The following CNTNAP5 variants were observed in gnomAD, a reference collection of about 807,000 sequenced individuals.
The protein encoded by CNTNAP5 is contactin-associated protein-like 5.
A neutral mutation model predicts 150.2 loss-of-function variants in CNTNAP5; 72 were observed. That is an observed-to-expected ratio of 0.48 (90% CI 0.40 to 0.58). CNTNAP5 has a LOEUF of 0.58. Ranked by LOEUF, CNTNAP5 falls within the 20% of genes least tolerant of loss-of-function variation. The pLI, the probability that CNTNAP5 is intolerant of heterozygous loss-of-function variation, is 0.00. For synonymous variants in CNTNAP5, 672 were observed against 619.8 expected, an observed-to-expected ratio of 1.08 and a Z score of -1.25; for missense variants, 1,636 against 1,626.2, an observed-to-expected ratio of 1.01 and a Z score of -0.10.
At position 124,231,018 on chromosome 2, in the gene CNTNAP5, C is replaced by T. The variant is rs116301198; in HGVS notation, c.187+9209C>T. On this transcript the variant is annotated intron_variant, in intron 2 of 23. Coordinates refer to ENST00000682447, the MANE Select transcript of CNTNAP5 (RefSeq NM_001367498.1). ...TTTCATCACACTCTCCCTTCCCAGT[C>T]GAATTGTGTATGGTGGGTAGAAGCT... Among the ~76,000 whole-genome samples the T allele has an allele frequency of 1.7e-3, 265 of 152,210 alleles. 3 individuals are homozygous for T. Among genetic ancestry groups the T allele is most frequent in the Admixed American group, 0.01 (154 of 15,284 alleles).
intron 3 of CNTNAP5, among the ~76,000 whole-genome samples, chr2:124,383,341 G>A (rs1338348831): frequency 6.6e-6 from 1 of 152,100 alleles, no homozygotes; most frequent in Non-Finnish European, 1.5e-5. Context: ...AAGTTTACAG[G>A]CCCAGCTATA....
At chr2:124,245,183 C>G (rs1686986673) in intron 3 of CNTNAP5, among the ~76,000 whole-genome samples, 1 of 152,122 alleles carries the variant, frequency 6.6e-6, no homozygotes, top group African/African-American at 2.4e-5. Flanking sequence ...CCAATAATAC[C>G]TATTTGTATT....
At chr2:124,512,063 C>T (rs887312956) in intron 8 of CNTNAP5, among the ~76,000 whole-genome samples, 10 of 151,666 alleles carry the variant, frequency 6.6e-5, no homozygotes, top group Admixed American at 5.3e-4. Flanking sequence ...GTTGTAGGTA[C>T]TGAAGCTATT....
intron 1 of CNTNAP5, among the ~76,000 whole-genome samples, chr2:124,195,075 C>T (rs1170922767): frequency 6.6e-6 from 1 of 151,604 alleles, no homozygotes; most frequent in Non-Finnish European, 1.5e-5. Context: ...GCATAAAAAA[C>T]ATCTAAAGAG....
Position 124,359,144 on chromosome 2 carries a change from G to A in CNTNAP5, c.382-58299G>A, listed in dbSNP as rs945474671. On this transcript the variant is annotated intron_variant, in intron 3 of 23. Coordinates refer to ENST00000682447, the MANE Select transcript of CNTNAP5 (RefSeq NM_001367498.1). Reference sequence around the variant, plus strand: ...TAGTTTGCATTTCTGTGGGATCGGCGGTGATATCCCCTTTATCATTTTTTA... The same window carrying A: ...TAGTTTGCATTTCTGTGGGATCGGCAGTGATATCCCCTTTATCATTTTTTA... Among the ~76,000 whole-genome samples the A allele has an allele frequency of 5.3e-5, 8 of 152,048 alleles. 1 individual carries two copies. Among genetic ancestry groups the A allele is most frequent in the Admixed American group, 2.6e-4 (4 of 15,254 alleles).
intron 12 of CNTNAP5, among the ~76,000 whole-genome samples, chr2:124,638,970 T>C (rs746722741): frequency 6.6e-6 from 1 of 152,332 alleles, no homozygotes; most frequent in Non-Finnish European, 1.5e-5. Flanking sequence ...ATTTGCAATA[T>C]ATAACCTCGG....
At chr2:124,614,681 G>A (rs1350824597) in intron 12 of CNTNAP5, among the ~76,000 whole-genome samples, 1 of 152,102 alleles carries the variant, frequency 6.6e-6, no homozygotes, top group East Asian at 1.9e-4. Context: ...TGAGCAGTGA[G>A]GATGACCAGA....
At chr2:124,484,550 C>T (rs1052617878) in intron 7 of CNTNAP5, among the ~76,000 whole-genome samples, 2 of 152,126 alleles carry the variant, frequency 1.3e-5, no homozygotes, top group Non-Finnish European at 2.9e-5. Context: ...TAAAGTGACT[C>T]CTAGGATATT....
rs546795707 is a variant in CNTNAP5 at position 124,841,711 on chromosome 2, G to A, written c.3218-23595G>A. 7.2e-5 allele frequency among the ~76,000 whole-genome samples: 11 copies of A among 152,186 alleles called. 1 individual carries two copies. Among genetic ancestry groups the A allele is most frequent in the East Asian group, 5.8e-4 (3 of 5,152 alleles). ...TCCTTCTGTAGCCAGTGTCCACACC[G>A]TTGTCCCTGGTACATGACAGGTGTT... On this transcript the variant is annotated intron_variant, in intron 19 of 23. Coordinates refer to ENST00000682447, the MANE Select transcript of CNTNAP5 (RefSeq NM_001367498.1).
At chr2:124,764,365 T>G (rs1681024425) in intron 16 of CNTNAP5, among the ~76,000 whole-genome samples, 3 of 152,178 alleles carry the variant, frequency 2.0e-5, no homozygotes. Context: ...AACATGGATA[T>G]TCCGAAAATT....
At chr2:124,237,751 C>T (rs962274943) in intron 2 of CNTNAP5, among the ~76,000 whole-genome samples, 9 of 152,038 alleles carry the variant, frequency 5.9e-5, no homozygotes, top group South Asian at 2.1e-4. Context: ...TTGGGAGAAT[C>T]GCGTCAACCC....
chr2:124,518,091 G>C lies in CNTNAP5; in HGVS notation c.1328-6212G>C, dbSNP rs548955331. ...CCTACTCCTAACAAATAATAAGCCA[G>C]TCCAGAATACCCAGGGCCAGTGTTG... On this transcript the variant is annotated intron_variant, in intron 8 of 23. Transcript: ENST00000682447. Among the ~76,000 whole-genome samples the C allele has an allele frequency of 7.2e-4, 110 of 152,156 alleles. 1 individual carries two copies. The highest frequency in any genetic ancestry group is 1.5e-3 in the South Asian group (7 of 4,820).
In CNTNAP5 at chr2:124,275,088, A is replaced by C. The variant is rs565219388; in HGVS notation, c.381+32695A>C. ...AACTTGTGCAGGGAAACTCCTCTTTATAAAACCATTAGATCTCATGAGACA... is the reference window on the plus strand; with the variant it reads ...AACTTGTGCAGGGAAACTCCTCTTTCTAAAACCATTAGATCTCATGAGACA... On this transcript the variant is annotated intron_variant, in intron 3 of 23. Coordinates refer to ENST00000682447, the MANE Select transcript of CNTNAP5 (RefSeq NM_001367498.1). Among the ~76,000 whole-genome samples, 4 of 152,258 alleles carry C rather than the reference A, an allele frequency of 2.6e-5. No homozygotes were observed. In the South Asian group the frequency reaches 6.2e-4, roughly 24 times the overall value.
chr2:124,481,280 A>G (rs996267109), intron 7 of CNTNAP5, among the ~76,000 whole-genome samples: 1 of 152,198 alleles, frequency 6.6e-6, no homozygotes, highest in African/African-American at 2.4e-5. Context: ...TCCTAATACC[A>G]ACATACTGGG....
intron 13 of CNTNAP5, among the ~76,000 whole-genome samples, chr2:124,714,658 A>G (rs961221609): frequency 2.6e-5 from 4 of 151,908 alleles, no homozygotes; most frequent in East Asian, 1.9e-4. Flanking sequence ...CAATAAATAT[A>G]TATTTTATAA....
chr2:124,661,333 A>G (rs1292908849), intron 13 of CNTNAP5, among the ~76,000 whole-genome samples: 1 of 152,034 alleles, frequency 6.6e-6, no homozygotes, highest in Non-Finnish European at 1.5e-5. Flanking sequence ...TCTATTTTTA[A>G]TCTTTTAATC....
At chr2:124,439,924 C>T (rs1481397374) in intron 5 of CNTNAP5, among the ~76,000 whole-genome samples, 3 of 152,234 alleles carry the variant, frequency 2.0e-5, no homozygotes, top group East Asian at 3.9e-4. Context: ...TCCATTCCTA[C>T]TAAGCTACAT....
At chr2:124,130,315 G>C (rs1683814474) in intron 1 of CNTNAP5, among the ~76,000 whole-genome samples, 1 of 151,878 alleles carries the variant, frequency 6.6e-6, no homozygotes, top group African/African-American at 2.4e-5. Context: ...TTGGTGGTCA[G>C]GATCCTTCCC....
intron 16 of CNTNAP5, among the ~76,000 whole-genome samples, chr2:124,771,774 C>T (rs1029246422): frequency 6.0e-5 from 9 of 150,938 alleles, no homozygotes; most frequent in Non-Finnish European, 3.0e-5. Context: ...CCAGCACTGC[C>T]ACCATCACCA....
Sources: allele counts gnomAD v4.1 joint callset (sites outside exome capture counted in the v4.1 genomes callset), GRCh38; gene constraint gnomAD v4.1.1; transcripts MANE v1.5; gene names NCBI Gene and HGNC (gene_info 2026-07-23, HGNC 2026-07-21).